Variants in ZNF638 observed in about 807,000 individuals in gnomAD.
ZNF638 encodes CTCL tumor antigen se33-1.
ZNF638 carries 46 observed loss-of-function variants against 195.6 expected under a neutral mutation model. That is an observed-to-expected ratio of 0.24 (90% CI 0.19 to 0.30). The LOEUF (loss-of-function observed/expected upper bound fraction) is 0.30, where lower values mean the gene tolerates loss of function less well. ZNF638 is among the 10% of genes least tolerant of loss of function. ZNF638 has a pLI of 1.00. For missense variants in ZNF638, 2,440 were observed against 2,325.3 expected (o/e 1.05, Z -1.01); for synonymous variants, 845 against 772.0 (o/e 1.09, Z -1.57).
intron 1 of ZNF638, among the ~76,000 whole-genome samples, chr2:71,333,726 T>C (rs1005079761): frequency 4.4e-5 from 5 of 114,264 alleles, no homozygotes; most frequent in Non-Finnish European, 9.2e-5. Context: ...TGTGAGACTT[T>C]GGTAAATTAT....
At chr2:71,391,047 G>A (rs2079765207) in intron 10 of ZNF638, among the ~76,000 whole-genome samples, 1 of 152,130 alleles carries the variant, frequency 6.6e-6, no homozygotes, top group African/African-American at 2.4e-5. Context: ...TAAAGGGAGG[G>A]AAATAACAGT....
At chr2:71,364,586 T>G (rs1021203653) in intron 5 of ZNF638, among the ~76,000 whole-genome samples, 1 of 152,218 alleles carries the variant, frequency 6.6e-6, no homozygotes, top group African/African-American at 2.4e-5. Context: ...TATGACCCTT[T>G]CAGAACTAGC....
chr2:71,408,282 A>G lies in ZNF638; in HGVS notation c.3261+35A>G, dbSNP rs769324852. The G allele has an allele frequency of 3.7e-6, 6 of 1,600,056 alleles. No individual in the cohort carries two copies. The South Asian group carries it at 5.7e-5, about 15-fold the overall frequency. On this transcript the variant is annotated intron_variant, in intron 20 of 27. Coordinates refer to ENST00000264447, the MANE Select transcript of ZNF638 (RefSeq NM_014497.5). ...ATCTTTCTTCAGCTTTTGTGATTTT[A>G]GAAAATACAGAGAACATAAAGGTCA... is the stretch of plus-strand genomic sequence containing the variant.
At chr2:71,398,372 C>T (rs1442141792) in intron 11 of ZNF638, among the ~76,000 whole-genome samples, 1 of 152,044 alleles carries the variant, frequency 6.6e-6, no homozygotes, top group African/African-American at 2.4e-5. Flanking sequence ...TAAGTACTTA[C>T]ATGGGAATTT....
intron 18 of ZNF638, 99 bp downstream of exon 18, chr2:71,405,741 T>C (rs1558872961): frequency 3.4e-6 from 3 of 873,696 alleles, no homozygotes; most frequent in Non-Finnish European, 5.3e-6. Flanking sequence ...AGAACTAATT[T>C]TAAGATATTG....
At position 71,338,991 on chromosome 2, in the gene ZNF638, A is replaced by G. The variant is rs1423180223; in HGVS notation, c.-203+7116A>G. ...GATTACCAGCTTCATCGTTTTCTGT[A>G]TTATTCTTCCTTTGTTTCTTTGTGC... On this transcript the variant is annotated intron_variant, in intron 1 of 27. Transcript: ENST00000264447. Among the ~76,000 whole-genome samples, 4 of 152,102 alleles carry G rather than the reference A, an allele frequency of 2.6e-5. No homozygotes were observed. The East Asian group carries it at 5.8e-4, about 22-fold the overall frequency.
In ZNF638 at chr2:71,349,173, A is replaced by G. The variant is rs1489094587; in HGVS notation, c.219A>G (p.Val73=). The G allele has an allele frequency of 7.4e-6, 12 of 1,614,122 alleles. No individual in the cohort carries two copies. Among genetic ancestry groups the G allele is most frequent in the Non-Finnish European group, 1.0e-5 (12 of 1,180,050 alleles). Residue 73 remains valine, a synonymous_variant, in exon 2 of 28, where the codon GTA becomes GTG. Transcript: ENST00000264447. Reference sequence around the variant, plus strand: ...GGCCACAGAGAATGAATGTTCAGGTAACTCAACACAGAACTGATCCAAGAT... The same window carrying G: ...GGCCACAGAGAATGAATGTTCAGGTGACTCAACACAGAACTGATCCAAGAT... The part of the protein sequence containing the change: ...NMGPQRMNVQ[V]TQHRTDPRLT...
In ZNF638 at chr2:71,348,913, C is replaced by G; in HGVS notation, c.-42C>G. 1 of 1,614,148 alleles carries G rather than the reference C, an allele frequency of 6.2e-7. No individual in the cohort carries two copies. The highest frequency in any genetic ancestry group is 1.1e-5 in the South Asian group (1 of 91,080). On this transcript the variant is annotated 5_prime_UTR_variant, in exon 2 of 28. Coordinates refer to ENST00000264447, the MANE Select transcript of ZNF638 (RefSeq NM_014497.5). Reference sequence around the variant, plus strand: ...TGCCGTTGCCTCACATGGTTCAACACCACCTTATACTTTATTAAATCAGGC... The same window carrying G: ...TGCCGTTGCCTCACATGGTTCAACAGCACCTTATACTTTATTAAATCAGGC...
chr2:71,363,232 C>A (rs1573050992), intron 4 of ZNF638, 41 bp downstream of exon 4: 1 of 1,390,878 alleles, frequency 7.2e-7, no homozygotes, highest in African/African-American at 1.5e-5. Context: ...ACCTGATTGT[C>A]TTTTAAAAGT....
At position 71,408,257 on chromosome 2, in the gene ZNF638, A is replaced by G. The variant is rs765221147; in HGVS notation, c.3261+10A>G. 1 of 1,605,710 alleles carries G rather than the reference A, an allele frequency of 6.2e-7. No individual in the cohort carries two copies. ...GATAGACTTACCAGAGGTAAGATTT[A>G]TCTTTCTTCAGCTTTTGTGATTTTA... On this transcript the variant is annotated intron_variant, in intron 20 of 27. Coordinates refer to ENST00000264447, the MANE Select transcript of ZNF638 (RefSeq NM_014497.5).
chr2:71,396,042 T>C, intron 10 of ZNF638, 99 bp from the exon 11 acceptor site: 1 of 1,094,466 alleles, frequency 9.1e-7, no homozygotes. Flanking sequence ...GGCTGTTTCT[T>C]GCAGGGTTCT....
At chr2:71,363,781 C>T (rs1316993754) in intron 4 of ZNF638, among the ~76,000 whole-genome samples, 173 bp from the exon 5 acceptor site, 1 of 152,156 alleles carries the variant, frequency 6.6e-6, no homozygotes, top group Non-Finnish European at 1.5e-5. Flanking sequence ...TTCTTATTTA[C>T]GTATAAGGCT....
intron 1 of ZNF638, 31 bp downstream of exon 1, chr2:71,331,906 G>T: frequency 3.0e-6 from 3 of 986,462 alleles, no homozygotes; most frequent in Non-Finnish European, 3.6e-6. Flanking sequence ...GGAGTAGGGG[G>T]TTGGAAGGCG....
intron 1 of ZNF638, 70 bp downstream of exon 1, chr2:71,331,945 C>A (rs565521567): frequency 2.0e-5 from 20 of 984,540 alleles, no homozygotes; most frequent in Non-Finnish European, 2.3e-5. Flanking sequence ...GTCCTGAGCC[C>A]TTCCTGTGAG....
rs377538457 is a variant in ZNF638, at chr2:71,428,661, G to T, written c.5650+10G>T. 9 of 1,608,248 alleles carry T rather than the reference G, an allele frequency of 5.6e-6. No individual in the cohort carries two copies. In the South Asian group the frequency reaches 8.8e-5, roughly 16 times the overall value. On this transcript the variant is annotated intron_variant, in intron 25 of 27. Transcript: ENST00000264447. ...TTCCAGATGAGTGAAGGTAAAGCAG[G>T]ATTGTTGGAATGGGAAGGAAAGTTA...
rs377565770 is a variant in ZNF638, at chr2:71,406,267, C to G, written c.3135+5C>G. On this transcript the variant is annotated splice_donor_5th_base_variant and intron_variant, in intron 19 of 27. Transcript: ENST00000264447. ...TTCATAAGTAATAGAAACAAGGTAA[C>G]AAGTTCCCTCATAATTTAGCTATTC... The G allele has an allele frequency of 1.2e-6, 2 of 1,608,620 alleles. No individual in the cohort carries two copies. The highest frequency in any genetic ancestry group is 1.7e-6 in the Non-Finnish European group (2 of 1,175,348).
intron 8 of ZNF638, among the ~76,000 whole-genome samples, chr2:71,376,594 A>G (rs1198373833): frequency 1.3e-5 from 2 of 152,204 alleles, no homozygotes; most frequent in Non-Finnish European, 2.9e-5. Flanking sequence ...GTCAAAACCT[A>G]GAAAAAACTT....
At chr2:71,369,773 G>A (rs1376173056) in intron 7 of ZNF638, 110 bp from the exon 8 acceptor site, 2 of 1,069,122 alleles carry the variant, frequency 1.9e-6, no homozygotes, top group Non-Finnish European at 2.6e-6. Flanking sequence ...ACCATGACTT[G>A]AGGTAGTTTC....
chr2:71,405,286 T>C (rs1047010152), intron 17 of ZNF638, among the ~76,000 whole-genome samples: 7 of 152,224 alleles, frequency 4.6e-5, no homozygotes, highest in African/African-American at 1.7e-4. Context: ...CTTTTGTAAT[T>C]TGAATTCTCT....
Sources: allele counts gnomAD v4.1 joint callset (sites outside exome capture counted in the v4.1 genomes callset), GRCh38; gene constraint gnomAD v4.1.1; transcripts MANE v1.5; gene names NCBI Gene and HGNC (gene_info 2026-07-23, HGNC 2026-07-21).